METTL15: variants seen among roughly 807,000 people sequenced by gnomAD.
The protein encoded by METTL15 is methyltransferase 15, mitochondrial 12S rRNA N4-cytidine.
In METTL15, 34 loss-of-function variants were observed where a neutral mutation model predicts 38.3. The ratio of observed to expected loss-of-function variants is 0.89; its 90% CI spans 0.68 to 1.18. The LOEUF (loss-of-function observed/expected upper bound fraction) is 1.18. METTL15 is among the 50% of genes most tolerant of loss of function. The pLI is 0.00. For synonymous variants in METTL15, 162 were observed against 170.9 expected (o/e 0.95, Z 0.41); for missense variants, 438 against 498.4 (o/e 0.88, Z 1.15).
At chr11:28,219,826 G>A (rs888167528) in intron 4 of METTL15, among the ~76,000 whole-genome samples, 36 of 152,160 alleles carry the variant, frequency 2.4e-4, no homozygotes, top group Non-Finnish European at 4.7e-4. Context: ...GTACCCAGTA[G>A]TCATTCAGGA....
chr11:28,153,298 A>G (rs1432291180), intron 3 of METTL15, among the ~76,000 whole-genome samples: 4 of 152,042 alleles, frequency 2.6e-5, no homozygotes, highest in Non-Finnish European at 5.9e-5. Flanking sequence ...TCCTCCCTTT[A>G]AATCATCTCT....
At chr11:28,484,831 T>C (rs1441621695) in intron 6 of METTL15, among the ~76,000 whole-genome samples, 3 of 150,690 alleles carry the variant, frequency 2.0e-5, no homozygotes, top group African/African-American at 7.3e-5. Context: ...CTGAAGGTAA[T>C]TGGCAAAGGG....
At chr11:28,478,869 T>C (rs146389360) in intron 6 of METTL15, among the ~76,000 whole-genome samples, 47 of 152,184 alleles carry the variant, frequency 3.1e-4, no homozygotes, top group Non-Finnish European at 4.9e-4. Flanking sequence ...TTTTGACTTG[T>C]AAAAAGCTTA....
chr11:28,150,642 C>A (rs375245464), intron 3 of METTL15, among the ~76,000 whole-genome samples: 19 of 145,178 alleles, frequency 1.3e-4, no homozygotes, highest in South Asian at 2.2e-4. Flanking sequence ...AGAAAAAAAA[C>A]CCCTAAAATT....
intron 5 of METTL15, among the ~76,000 whole-genome samples, chr11:28,389,146 G>A (rs1850474032): frequency 6.6e-6 from 1 of 151,898 alleles, no homozygotes; most frequent in East Asian, 1.9e-4. Flanking sequence ...AAACATACGT[G>A]TGCATGTGTC....
intron 5 of METTL15, among the ~76,000 whole-genome samples, chr11:28,395,475 A>G (rs1326117019): frequency 6.6e-6 from 1 of 152,074 alleles, no homozygotes; most frequent in Non-Finnish European, 1.5e-5. Flanking sequence ...TACTGTAAAC[A>G]CCTCTACACA....
At chr11:28,403,893 A>G (rs762270404) in intron 5 of METTL15, among the ~76,000 whole-genome samples, 4 of 152,040 alleles carry the variant, frequency 2.6e-5, no homozygotes, top group Non-Finnish European at 5.9e-5. Context: ...ATGACTCTAA[A>G]TAGCTTCTTA....
chr11:28,527,916 T>G (rs1471883963), downstream of METTL15, among the ~76,000 whole-genome samples: 1 of 152,226 alleles, frequency 6.6e-6, no homozygotes, highest in Non-Finnish European at 1.5e-5. Flanking sequence ...CATAATTCCT[T>G]GTCTGGAATA....
chr11:28,444,866 A>C (rs1851062475), intron 6 of METTL15, among the ~76,000 whole-genome samples: 1 of 152,188 alleles, frequency 6.6e-6, no homozygotes, highest in Non-Finnish European at 1.5e-5. Flanking sequence ...ACTCCTGTGA[A>C]TGAATATAAG....
chr11:28,372,594 G>A (rs56052015), intron 5 of METTL15, among the ~76,000 whole-genome samples: 1 of 151,084 alleles, frequency 6.6e-6, no homozygotes, highest in Non-Finnish European at 1.5e-5. Context: ...GCATTCCTCA[G>A]AGACCACATT....
chr11:28,479,763 AAAG>A (rs1456032152), intron 6 of METTL15, among the ~76,000 whole-genome samples: 1 of 152,322 alleles, frequency 6.6e-6, no homozygotes, highest in East Asian at 1.9e-4. Context: ...TGTATCAAAA[AAAG>A]TGTGTGTATA....
intron 6 of METTL15, among the ~76,000 whole-genome samples, chr11:28,432,767 C>G (rs958128978): frequency 2.0e-5 from 3 of 152,106 alleles, no homozygotes; most frequent in African/African-American, 7.2e-5. Context: ...AATGAATTCT[C>G]AGCTGTTCTT....
chr11:28,175,675 A>T (rs985064749), intron 3 of METTL15, among the ~76,000 whole-genome samples: 1 of 152,158 alleles, frequency 6.6e-6, no homozygotes, highest in Non-Finnish European at 1.5e-5. Flanking sequence ...CAAAAATCTG[A>T]GTATCACCTT....
chr11:28,150,838 T>G (rs1035381580), intron 3 of METTL15, among the ~76,000 whole-genome samples: 1 of 151,538 alleles, frequency 6.6e-6, no homozygotes, highest in Non-Finnish European at 1.5e-5. Context: ...CAGGAGGTAA[T>G]GATGAACCTG....
At position 28,290,286 on chromosome 11, in the gene METTL15, T is replaced by C. The variant is rs770011704; in HGVS notation, c.488T>C (p.Phe163Ser). The change falls in exon 5 of 7, where the codon TTT becomes TCT. Residue 163 changes from phenylalanine to serine, a missense_variant. Physicochemically the swap from Phe to Ser is radical, Grantham distance 155. Transcript: ENST00000407364. ...LMKAGVQPGTFDGVLMDLGCS... is the reference protein window; with the variant it reads ...LMKAGVQPGTSDGVLMDLGCS... ...AAAGCTGGAGTGCAGCCAGGAACTT[T>C]TGATGGAGTTCTTATGGATCTTGGG... The C allele has an allele frequency of 1.2e-6, 2 of 1,613,530 alleles. No individual in the cohort carries two copies. Among genetic ancestry groups the C allele is most frequent in the Admixed American group, 1.7e-5 (1 of 59,910 alleles).
intron 6 of METTL15, among the ~76,000 whole-genome samples, chr11:28,436,783 A>G (rs1474990450): frequency 6.6e-6 from 1 of 152,126 alleles, no homozygotes; most frequent in Non-Finnish European, 1.5e-5. Flanking sequence ...ACTCAGTGTG[A>G]TAGTTAATAT....
intron 6 of METTL15, among the ~76,000 whole-genome samples, chr11:28,310,151 C>A (rs1857224850): frequency 6.6e-6 from 1 of 152,114 alleles, no homozygotes; most frequent in Non-Finnish European, 1.5e-5. Context: ...TTAAATACTT[C>A]TCTCAAAATG....
downstream of METTL15, among the ~76,000 whole-genome samples, chr11:28,334,899 C>T (rs1849886986): frequency 6.6e-6 from 1 of 152,164 alleles, no homozygotes; most frequent in African/African-American, 2.4e-5. Flanking sequence ...TTCTCATAAT[C>T]TGCCCAAATT....
At chr11:28,322,056 T>C (rs995335470) in intron 6 of METTL15, among the ~76,000 whole-genome samples, 2 of 151,980 alleles carry the variant, frequency 1.3e-5, no homozygotes, top group Non-Finnish European at 2.9e-5. Context: ...GGATTAAATA[T>C]TCAAATATAA....
Sources: allele counts gnomAD v4.1 joint callset (sites outside exome capture counted in the v4.1 genomes callset), GRCh38; gene constraint gnomAD v4.1.1; transcripts MANE v1.5; gene names NCBI Gene and HGNC (gene_info 2026-07-23, HGNC 2026-07-21).